The following MALRD1 variants were observed in gnomAD, a reference collection of about 807,000 sequenced individuals.
MALRD1 encodes the protein MAM and LDL-receptor class A domain-containing protein 1.
Under a neutral mutation model 242.1 loss-of-function variants are expected in MALRD1, and 247 were observed. That is an observed-to-expected ratio of 1.02 (90% CI 0.92 to 1.13). The LOEUF (loss-of-function observed/expected upper bound fraction) is 1.13, where lower values mean the gene tolerates loss of function less well. Ranked by LOEUF, MALRD1 falls within the 50% of genes most tolerant of loss-of-function variation. The probability of loss-of-function intolerance (pLI) is 0.00; values close to 1 mark genes in which losing one functional copy is unlikely to be tolerated. For synonymous variants in MALRD1, 995 were observed against 866.6 expected, an observed-to-expected ratio of 1.15 and a Z score of -2.60; for missense variants, 2,989 against 2,533.1, an observed-to-expected ratio of 1.18 and a Z score of -3.86.
intron 5 of MALRD1, among the ~76,000 whole-genome samples, chr10:19,112,745 C>T (rs1836722606): frequency 6.6e-6 from 1 of 152,068 alleles, no homozygotes; most frequent in South Asian, 2.1e-4. Flanking sequence ...AGCTTTTAGC[C>T]TTTGGAATAG....
chr10:19,094,961 G>C (rs1398048776), intron 4 of MALRD1, among the ~76,000 whole-genome samples: 1 of 152,056 alleles, frequency 6.6e-6, no homozygotes, highest in Non-Finnish European at 1.5e-5. Flanking sequence ...AAATTTTCCT[G>C]TTAAACATGA....
intron 18 of MALRD1, among the ~76,000 whole-genome samples, chr10:19,243,531 T>C (rs539213488): frequency 3.6e-4 from 55 of 152,306 alleles, no homozygotes; most frequent in Admixed American, 9.2e-4. Flanking sequence ...TTAGAGATTG[T>C]GTATTATCCT....
At chr10:19,178,946 G>C (rs900401048) in intron 14 of MALRD1, among the ~76,000 whole-genome samples, 4 of 152,200 alleles carry the variant, frequency 2.6e-5, no homozygotes, top group African/African-American at 7.2e-5. Flanking sequence ...TCAGAACAGA[G>C]ACCTCTGCAT....
At chr10:19,058,093 A>C (rs1834720057) in intron 1 of MALRD1, among the ~76,000 whole-genome samples, 1 of 152,222 alleles carries the variant, frequency 6.6e-6, no homozygotes, top group African/African-American at 2.4e-5. Flanking sequence ...ATTTTTACCA[A>C]ACACAAACAT....
chr10:19,292,730 A>C (rs967846579), intron 21 of MALRD1, among the ~76,000 whole-genome samples: 1 of 151,850 alleles, frequency 6.6e-6, no homozygotes, highest in African/African-American at 2.4e-5. Context: ...GTCTCTACTA[A>C]AAATACAAAA....
At chr10:19,513,003 G>C (rs1332171880) in intron 31 of MALRD1, among the ~76,000 whole-genome samples, 2 of 152,230 alleles carry the variant, frequency 1.3e-5, no homozygotes, top group African/African-American at 4.8e-5. Context: ...CTTCATTTCA[G>C]GTGTGTAGCA....
At chr10:19,526,766 G>C (rs1589197143) in intron 31 of MALRD1, among the ~76,000 whole-genome samples, 1 of 152,028 alleles carries the variant, frequency 6.6e-6, no homozygotes, top group East Asian at 1.9e-4. Context: ...GCGAAATAGT[G>C]GATTATCATT....
chr10:19,491,134 C>G, intron 29 of MALRD1: 2 of 397,254 alleles, frequency 5.0e-6, no homozygotes, highest in Non-Finnish European at 5.2e-6. Flanking sequence ...AGGAGCATTA[C>G]GAGCAGCACA....
At chr10:19,264,976 G>A (rs1839915247) in intron 19 of MALRD1, among the ~76,000 whole-genome samples, 1 of 151,980 alleles carries the variant, frequency 6.6e-6, no homozygotes, top group Non-Finnish European at 1.5e-5. Context: ...TTCCATCTTG[G>A]TAGGTTGTAT....
intron 36 of MALRD1, among the ~76,000 whole-genome samples, chr10:19,627,412 A>G (rs916116756): frequency 1.3e-5 from 2 of 151,826 alleles, no homozygotes; most frequent in African/African-American, 4.8e-5. Flanking sequence ...AAATTAAGAA[A>G]AAAACAACAA....
intron 32 of MALRD1, among the ~76,000 whole-genome samples, chr10:19,543,395 C>T (rs1008995211): frequency 1.4e-5 from 2 of 147,398 alleles, no homozygotes; most frequent in African/African-American, 5.0e-5. Context: ...TCTCAAGTAG[C>T]TGGGACTACA....
intron 24 of MALRD1, among the ~76,000 whole-genome samples, chr10:19,346,945 C>T (rs1039803673): frequency 5.9e-5 from 9 of 152,074 alleles, no homozygotes; most frequent in Non-Finnish European, 4.4e-5. Context: ...CCACCATGCC[C>T]AGCCTCCCTC....
intron 1 of MALRD1, among the ~76,000 whole-genome samples, chr10:19,063,138 C>T (rs1834870999): frequency 6.6e-6 from 1 of 151,888 alleles, no homozygotes; most frequent in Admixed American, 6.6e-5. Flanking sequence ...AGAGCAAGAC[C>T]CTGTCCCCCC....
In MALRD1 at chr10:19,624,537, G is replaced by C. The variant is rs1360799172; in HGVS notation, c.6137+8614G>C. On this transcript the variant is annotated intron_variant, in intron 36 of 39. Transcript: ENST00000454679. ...TATGGTCATGACATAAACCTGTGGA[G>C]CAGATAATAGTATGTGTAATTTAGC... is the stretch of plus-strand genomic sequence containing the variant. Among the ~76,000 whole-genome samples, 4 of 152,030 alleles carry C rather than the reference G, an allele frequency of 2.6e-5. No homozygotes were observed. In the East Asian group the frequency reaches 7.7e-4, roughly 29 times the overall value.
At chr10:19,115,273 C>T (rs578027804) in intron 5 of MALRD1, among the ~76,000 whole-genome samples, 1 of 152,252 alleles carries the variant, frequency 6.6e-6, no homozygotes, top group South Asian at 2.1e-4. Flanking sequence ...CTGGGACTTT[C>T]CCACGTGCTC....
At position 19,340,304 on chromosome 10, in the gene MALRD1, A is replaced by G. The variant is rs536605532; in HGVS notation, c.3902-7467A>G. The stretch of plus-strand genomic sequence containing the variant: ...CACTCTTTTAGTTATTTTAAAATGT[A>G]AAATTAATTTATCACTGACTGTAGT... On this transcript the variant is annotated intron_variant, in intron 24 of 39. Transcript: ENST00000454679. 9.9e-5 allele frequency among the ~76,000 whole-genome samples: 15 copies of G among 152,168 alleles called. No individual in the cohort carries two copies. The South Asian group carries it at 2.9e-3, about 29-fold the overall frequency.
chr10:19,686,765 G>A (rs766041281), intron 36 of MALRD1, among the ~76,000 whole-genome samples: 11 of 152,112 alleles, frequency 7.2e-5, no homozygotes, highest in Non-Finnish European at 1.3e-4. Flanking sequence ...ATTTGTGGAG[G>A]GTAGGGAGTG....
At chr10:19,713,271 G>C (rs1198960812) in intron 38 of MALRD1, among the ~76,000 whole-genome samples, 1 of 152,162 alleles carries the variant, frequency 6.6e-6, no homozygotes, top group Non-Finnish European at 1.5e-5. Context: ...AAATTGCTAT[G>C]AATGTTTCTA....
intron 29 of MALRD1, among the ~76,000 whole-genome samples, chr10:19,462,279 T>A (rs12762039): frequency 1.3e-5 from 2 of 152,074 alleles, no homozygotes; most frequent in African/African-American, 4.8e-5. Flanking sequence ...TCAGAGCCAC[T>A]ATCTACCTGC....
Sources: gnomAD v4.1 joint callset for allele counts (sites outside exome capture counted in the v4.1 genomes callset) on GRCh38, gnomAD v4.1.1 for gene constraint, MANE v1.5 for transcripts, NCBI Gene and HGNC (gene_info 2026-07-23, HGNC 2026-07-21) for gene names.